The following PDE1C variants were observed in gnomAD, a reference collection of about 807,000 sequenced individuals.
PDE1C encodes phosphodiesterase 1C.
A neutral mutation model predicts 93.1 loss-of-function variants in PDE1C; 62 were observed. The observed-to-expected ratio is 0.67, with a 90% CI of 0.54 to 0.82. The LOEUF (loss-of-function observed/expected upper bound fraction) is 0.82, where lower values mean the gene tolerates loss of function less well. PDE1C is among the 40% of genes least tolerant of loss of function. The probability of loss-of-function intolerance (pLI) is 0.00; values close to 1 mark genes in which losing one functional copy is unlikely to be tolerated. For synonymous variants in PDE1C, 325 were observed against 310.1 expected, an observed-to-expected ratio of 1.05 and a Z score of -0.50; for missense variants, 742 against 884.6, an observed-to-expected ratio of 0.84 and a Z score of 2.04.
At chr7:31,643,840 C>T in the PDE1C span, 5 of 1,613,932 alleles carry the variant, frequency 3.1e-6, no homozygotes, top group Admixed American at 5.0e-5. Flanking sequence ...AAGCCCTGGC[C>T]CTGAACCCTC....
At chr7:32,285,277 A>G (rs1224553609) in intron 1 of PDE1C, among the ~76,000 whole-genome samples, 1 of 152,192 alleles carries the variant, frequency 6.6e-6, no homozygotes, top group Non-Finnish European at 1.5e-5. Context: ...TGGCGCAGAC[A>G]CTTTGGAAAA....
intron 1 of PDE1C, among the ~76,000 whole-genome samples, chr7:32,410,497 A>G (rs144545969): frequency 6.6e-6 from 1 of 152,300 alleles, no homozygotes; most frequent in African/African-American, 2.4e-5. Flanking sequence ...TAGCTTCAAC[A>G]GTTAAAACAG....
intron 1 of PDE1C, among the ~76,000 whole-genome samples, chr7:32,376,133 C>T (rs912478216): frequency 6.6e-6 from 1 of 151,946 alleles, no homozygotes; most frequent in Non-Finnish European, 1.5e-5. Context: ...CTCCTGCCTG[C>T]CTGGGTGACA....
At chr7:31,767,356 T>G (rs557405334) in intron 17 of PDE1C, among the ~76,000 whole-genome samples, 1 of 152,108 alleles carries the variant, frequency 6.6e-6, no homozygotes, top group South Asian at 2.1e-4. Flanking sequence ...GGGGTAGATT[T>G]CCCCCTGGTA....
intron 1 of PDE1C, among the ~76,000 whole-genome samples, chr7:32,246,753 C>T (rs1353990628): frequency 2.0e-5 from 3 of 152,164 alleles, no homozygotes; most frequent in South Asian, 2.1e-4. Flanking sequence ...TATGTTTCCT[C>T]GGATATAAAT....
At chr7:31,769,175 A>C (rs1438435638) in intron 17 of PDE1C, among the ~76,000 whole-genome samples, 1 of 152,030 alleles carries the variant, frequency 6.6e-6, no homozygotes, top group Admixed American at 6.5e-5. Context: ...ATGTGCCTTC[A>C]CTCATAAGCA....
intron 1 of PDE1C, among the ~76,000 whole-genome samples, chr7:32,315,812 A>G (rs1783157725): frequency 6.6e-6 from 1 of 152,098 alleles, no homozygotes; most frequent in South Asian, 2.1e-4. Context: ...CCTAACCAAC[A>G]TGGAGAAACC....
At chr7:32,182,786 G>A (rs1388436501) in intron 2 of PDE1C, among the ~76,000 whole-genome samples, 4 of 152,120 alleles carry the variant, frequency 2.6e-5, no homozygotes, top group African/African-American at 9.7e-5. Context: ...CATAGTGCTG[G>A]AAGTTCTGGC....
At chr7:31,998,181 A>G (rs1041094631) in intron 2 of PDE1C, among the ~76,000 whole-genome samples, 35 of 151,740 alleles carry the variant, frequency 2.3e-4, no homozygotes, top group Admixed American at 9.2e-4. Context: ...CACTATGCCC[A>G]GCTAATTTTT....
the PDE1C span, chr7:31,692,656 A>G: frequency 4.0e-6 from 3 of 750,252 alleles, no homozygotes; most frequent in Non-Finnish European, 6.7e-6. Context: ...GGTGACAGCC[A>G]ACACCAGATG....
At chr7:32,207,005 A>G (rs573196205) in intron 2 of PDE1C, among the ~76,000 whole-genome samples, 2 of 152,144 alleles carry the variant, frequency 1.3e-5, no homozygotes, top group East Asian at 3.9e-4. Flanking sequence ...TCCCCATGTT[A>G]CTGTATGTGC....
At chr7:32,336,361 T>C (rs965059457) in intron 1 of PDE1C, among the ~76,000 whole-genome samples, 7 of 152,192 alleles carry the variant, frequency 4.6e-5, no homozygotes, top group Non-Finnish European at 7.3e-5. Context: ...TCCACTTTAA[T>C]CCATTAGAGA....
the PDE1C span, among the ~76,000 whole-genome samples, chr7:31,672,536 T>C: frequency 6.6e-6 from 1 of 152,212 alleles, no homozygotes; most frequent in Non-Finnish European, 1.5e-5. Flanking sequence ...TTATACATTT[T>C]TGACCTTCTC....
chr7:32,111,120 T>A (rs978820478), intron 3 of PDE1C, among the ~76,000 whole-genome samples: 2 of 152,120 alleles, frequency 1.3e-5, no homozygotes, highest in African/African-American at 4.8e-5. Context: ...CTGTCTCTTT[T>A]CAAGAGAAAA....
At position 31,977,076 on chromosome 7, in the gene PDE1C, A is replaced by G. The variant is rs376733270; in HGVS notation, c.128+74478T>C. The stretch of plus-strand genomic sequence containing the variant: ...TTCAGAAACACTAAATTTAAGAATT[A>G]TTACTCTAGATATCTGCTATAGTTT... On this transcript the variant is annotated intron_variant, in intron 2 of 17. Coordinates refer to ENST00000396191, the MANE Select transcript of PDE1C (RefSeq NM_001191057.4). Among the ~76,000 whole-genome samples the G allele has an allele frequency of 7.9e-5, 12 of 152,338 alleles. 3 individuals carry two copies. The highest frequency in any genetic ancestry group is 1.5e-5 in the Non-Finnish European group (1 of 68,024).
intron 16 of PDE1C, among the ~76,000 whole-genome samples, chr7:31,799,708 C>T (rs866885965): frequency 4.6e-5 from 7 of 151,606 alleles, no homozygotes; most frequent in African/African-American, 9.7e-5. Flanking sequence ...CTATAATGTA[C>T]GCAATAACCC....
intron 2 of PDE1C, among the ~76,000 whole-genome samples, chr7:32,202,630 G>A (rs1860223): frequency 0.22 from 32,840 of 152,190 alleles, 4,314 homozygotes; most frequent in Admixed American, 0.34. Context: ...GGTAAGATAA[G>A]GTGGTGAAGT....
chr7:31,863,727 C>G (rs1014761850), intron 7 of PDE1C, among the ~76,000 whole-genome samples: 17 of 152,090 alleles, frequency 1.1e-4, no homozygotes, highest in African/African-American at 4.1e-4. Context: ...AGGCAGAGTA[C>G]TTAATATTTT....
intron 2 of PDE1C, among the ~76,000 whole-genome samples, chr7:32,018,059 C>T: frequency 6.6e-6 from 1 of 151,448 alleles, no homozygotes; most frequent in East Asian, 1.9e-4. Flanking sequence ...CAGATTCCAC[C>T]CTGGGTGACA....
Sources: gnomAD v4.1 joint callset for allele counts (sites outside exome capture counted in the v4.1 genomes callset) on GRCh38, gnomAD v4.1.1 for gene constraint, MANE v1.5 for transcripts, NCBI Gene and HGNC (gene_info 2026-07-23, HGNC 2026-07-21) for gene names.